NMNAT1: variants seen among roughly 807,000 people sequenced by gnomAD.
NMNAT1 encodes nicotinamide nucleotide adenylyltransferase 1.
Under a neutral mutation model 16.7 loss-of-function variants are expected in NMNAT1, and 11 were observed. That is an observed-to-expected ratio of 0.66 (90% CI 0.41 to 1.09). The LOEUF (loss-of-function observed/expected upper bound fraction) is 1.09. Ranked by LOEUF, NMNAT1 falls within the 50% of genes least tolerant of loss-of-function variation. The pLI, the probability that NMNAT1 is intolerant of heterozygous loss-of-function variation, is 0.00. For synonymous variants in NMNAT1, 110 were observed against 119.8 expected, an observed-to-expected ratio of 0.92 and a Z score of 0.53; for missense variants, 280 against 332.3, an observed-to-expected ratio of 0.84 and a Z score of 1.22.
intron 3 of NMNAT1, among the ~76,000 whole-genome samples, chr1:9,978,350 C>T (rs907274972): frequency 5.3e-5 from 8 of 151,850 alleles, no homozygotes; most frequent in Non-Finnish European, 8.8e-5. Context: ...AGTGAGACTC[C>T]GTCTCAAAAA....
In NMNAT1 at chr1:9,984,687, G is replaced by A. The variant is rs1642015825; in HGVS notation, c.*1986G>A. On this transcript the variant is annotated 3_prime_UTR_variant, in exon 5 of 5. Transcript: ENST00000377205. ...TTTGGCCTGTTTGTTTGATGCTGGG[G>A]GTTTTATGTGTTGTACCCTTTACCC... 1 of 152,108 alleles carries A rather than the reference G, an allele frequency of 6.6e-6. No individual in the cohort carries two copies. Among genetic ancestry groups the A allele is most frequent in the Non-Finnish European group, 1.5e-5 (1 of 68,034 alleles). The allele number at this position is 152,108 out of a possible 1,614,324, so 9.4% of individuals were successfully genotyped here. A position where few individuals can be genotyped will look rare whatever the true frequency, so the allele number is the denominator to read the frequency against.
chr1:9,973,822 G>C (rs1019793235), intron 2 of NMNAT1, among the ~76,000 whole-genome samples: 14 of 148,640 alleles, frequency 9.4e-5, no homozygotes, highest in African/African-American at 3.4e-4. Context: ...TCAGGAGTTT[G>C]AGATCAGCCT....
rs1247916718 is a variant in NMNAT1 at position 9,983,804 on chromosome 1, A to C, written c.*1103A>C. The C allele has an allele frequency of 6.6e-6, 1 of 152,144 alleles. No individual in the cohort carries two copies. Among genetic ancestry groups the C allele is most frequent in the Admixed American group, 6.6e-5 (1 of 15,262 alleles). The allele number at this position is 152,144 out of a possible 1,614,324, so 9.4% of individuals were successfully genotyped here. Reference sequence around the variant, plus strand: ...AGAGTTGAAGGAGTCCTGAAAAGTAATGATAGAGCAAGATGAAGCTATCAG... The same window carrying C: ...AGAGTTGAAGGAGTCCTGAAAAGTACTGATAGAGCAAGATGAAGCTATCAG... On this transcript the variant is annotated 3_prime_UTR_variant, in exon 5 of 5. Transcript: ENST00000377205.
chr1:9,947,111 T>C (rs574082089), intron 1 of NMNAT1, among the ~76,000 whole-genome samples: 46 of 152,290 alleles, frequency 3.0e-4, no homozygotes, highest in African/African-American at 9.9e-4. Flanking sequence ...CTTGGATATA[T>C]AATAGATGTC....
intron 1 of NMNAT1, among the ~76,000 whole-genome samples, chr1:9,947,810 C>G (rs1312015328): frequency 6.6e-6 from 1 of 152,134 alleles, no homozygotes; most frequent in Non-Finnish European, 1.5e-5. Context: ...CATCACCTGT[C>G]ACCTGGATTA....
At chr1:9,973,961 C>G (rs576313971) in intron 2 of NMNAT1, among the ~76,000 whole-genome samples, 97 of 151,822 alleles carry the variant, frequency 6.4e-4, no homozygotes, top group Middle Eastern at 3.4e-3. Context: ...CCTCAGCCTC[C>G]CCTGTAACTG....
Position 9,982,322 on chromosome 1 carries a change from T to C in NMNAT1, c.461T>C (p.Leu154Pro). 2 of 1,613,308 alleles carry C rather than the reference T, an allele frequency of 1.2e-6. No individual in the cohort carries two copies. The highest frequency in any genetic ancestry group is 2.2e-5 in the South Asian group (2 of 91,022). The change falls in exon 5 of 5, where the codon CTG (leucine) becomes CCG (proline). Residue 154 changes from leucine to proline, a missense_variant. Transcript: ENST00000377205. ...KTKAVPKVKL[L>P]CGADLLESFA... Reference sequence around the variant, plus strand: ...CCAGCTGTGCCAAAGGTCAAGCTGCTGTGTGGGGCAGATTTATTGGAGTCC... The same window carrying C: ...CCAGCTGTGCCAAAGGTCAAGCTGCCGTGTGGGGCAGATTTATTGGAGTCC...
the NMNAT1 span, among the ~76,000 whole-genome samples, chr1:9,996,233 C>T: frequency 6.6e-6 from 1 of 151,314 alleles, no homozygotes; most frequent in Non-Finnish European, 1.5e-5. Context: ...ATGGCGTGAA[C>T]CCCGGAGGCG....
chr1:9,986,522 A>G (rs1473525373), downstream of NMNAT1, among the ~76,000 whole-genome samples: 2 of 152,166 alleles, frequency 1.3e-5, no homozygotes, highest in African/African-American at 4.8e-5. Flanking sequence ...GCTTGAGCCC[A>G]GGAGTTCAAG....
At chr1:9,943,882 A>C (rs1276332699) in intron 1 of NMNAT1, among the ~76,000 whole-genome samples, 2 of 152,090 alleles carry the variant, frequency 1.3e-5, no homozygotes, top group African/African-American at 4.8e-5. Flanking sequence ...TCTGTAAAAG[A>C]CTACATCTAC....
the NMNAT1 span, among the ~76,000 whole-genome samples, chr1:9,990,564 C>T: frequency 1.3e-5 from 2 of 152,190 alleles, no homozygotes; most frequent in Non-Finnish European, 2.9e-5. Context: ...GATACTAATC[C>T]AGGTCTACCT....
intron 3 of NMNAT1, 45 bp from the exon 4 acceptor site, chr1:9,980,986 A>C: frequency 6.3e-7 from 1 of 1,577,636 alleles, no homozygotes; most frequent in Non-Finnish European, 8.6e-7. Context: ...ATTCTAATGG[A>C]GCATGTGAGA....
chr1:9,986,059 C>T (rs1239654345), downstream of NMNAT1, among the ~76,000 whole-genome samples: 1 of 152,250 alleles, frequency 6.6e-6, no homozygotes, highest in East Asian at 1.9e-4. Flanking sequence ...ACTGTCACCT[C>T]GGTTTCAGAA....
At chr1:9,980,015 TC>T (rs1641906054) in intron 3 of NMNAT1, among the ~76,000 whole-genome samples, 1 of 150,702 alleles carries the variant, frequency 6.6e-6, no homozygotes, top group Admixed American at 6.6e-5. Context: ...CACTGCAACC[TC>T]CACCTCCTGG....
chr1:9,993,813 T>C, the NMNAT1 span, among the ~76,000 whole-genome samples: 8 of 152,086 alleles, frequency 5.3e-5, no homozygotes, highest in Admixed American at 2.0e-4. Context: ...TAAGGAGAGC[T>C]GGAAAAAATT....
chr1:9,994,393 G>A, the NMNAT1 span, among the ~76,000 whole-genome samples: 2 of 150,980 alleles, frequency 1.3e-5, no homozygotes, highest in South Asian at 2.1e-4. Context: ...GATTACGAAC[G>A]TGAGCCACTG....
chr1:9,956,577 A>G (rs1204399878), intron 1 of NMNAT1, among the ~76,000 whole-genome samples: 2 of 150,604 alleles, frequency 1.3e-5, no homozygotes, highest in Non-Finnish European at 3.0e-5. Context: ...GTGTGCCACC[A>G]CACCTGGCTA....
At chr1:9,996,183 C>T in the NMNAT1 span, among the ~76,000 whole-genome samples, 1 of 151,196 alleles carries the variant, frequency 6.6e-6, no homozygotes, top group South Asian at 2.1e-4. Context: ...TGTTGGCGGG[C>T]GCCTGTAGTC....
At chr1:9,954,175 A>G (rs901242867) in intron 1 of NMNAT1, among the ~76,000 whole-genome samples, 10 of 152,066 alleles carry the variant, frequency 6.6e-5, no homozygotes, top group African/African-American at 2.4e-4. Context: ...ATATTTCTTA[A>G]ACTTCTCCAC....
Sources: gnomAD v4.1 joint callset for allele counts (sites outside exome capture counted in the v4.1 genomes callset) on GRCh38, gnomAD v4.1.1 for gene constraint, MANE v1.5 for transcripts, NCBI Gene and HGNC (gene_info 2026-07-23, HGNC 2026-07-21) for gene names.